SMARCA1: variants seen among roughly 807,000 people sequenced by gnomAD.
SMARCA1 encodes the protein SNF2 related chromatin remodeling ATPase 1.
A neutral mutation model predicts 93.6 loss-of-function variants in SMARCA1; 17 were observed. That is an observed-to-expected ratio of 0.18 (90% CI 0.12 to 0.27). SMARCA1 has a LOEUF of 0.27. Ranked by LOEUF, SMARCA1 falls within the 10% of genes least tolerant of loss-of-function variation. The pLI, the probability that SMARCA1 is intolerant of heterozygous loss-of-function variation, is 1.00. For missense variants in SMARCA1, 630 were observed against 819.0 expected (o/e 0.77, Z 2.82); for synonymous variants, 271 against 271.4 (o/e 1.00, Z 0.01).
At chrX:129,522,401 C>T in intron 1 of SMARCA1, among the ~76,000 whole-genome samples, 1 of 109,114 alleles carries the variant, frequency 9.2e-6, no homozygotes, top group Non-Finnish European at 1.9e-5. Context: ...AGCTTGGGGC[C>T]GGATTGAGGG....
At chrX:129,493,168 A>G in intron 12 of SMARCA1, 93 bp from the exon 13 acceptor site, 1 of 346,061 alleles carries the variant, frequency 2.9e-6, no homozygotes, top group East Asian at 4.3e-5. Flanking sequence ...GAAACAACCT[A>G]AACGATCAAG....
At chrX:129,488,834 T>C (rs930118387) in intron 16 of SMARCA1, 103 bp downstream of exon 16, 1 of 507,508 alleles carries the variant, frequency 2.0e-6, no homozygotes, top group Non-Finnish European at 3.2e-6. Context: ...ACCTGAAACA[T>C]GTAGATAATG....
chrX:129,480,301 G>A (rs943353825), intron 19 of SMARCA1, among the ~76,000 whole-genome samples: 3 of 111,920 alleles, frequency 2.7e-5, no homozygotes, highest in Non-Finnish European at 5.6e-5. Context: ...TTTCAGCAAC[G>A]TATAGGCAAT....
intron 19 of SMARCA1, among the ~76,000 whole-genome samples, chrX:129,478,322 G>A (rs1475080285): frequency 8.9e-6 from 1 of 111,756 alleles, no homozygotes; most frequent in Admixed American, 9.5e-5. Context: ...TGGCACAAAG[G>A]ATTGCTCAAT....
At chrX:129,509,359 T>C (rs955768149) in intron 6 of SMARCA1, among the ~76,000 whole-genome samples, 2 of 109,651 alleles carry the variant, frequency 1.8e-5, no homozygotes, top group African/African-American at 6.7e-5. Flanking sequence ...TCACCTGGAC[T>C]GAAGAGGAGG....
intron 18 of SMARCA1, 49 bp downstream of exon 18, chrX:129,481,026 C>A (rs1338796464): frequency 3.8e-6 from 3 of 798,496 alleles, no homozygotes; most frequent in Non-Finnish European, 5.6e-6. Flanking sequence ...GATCATGTTG[C>A]AACAGAAATC....
Position 129,447,156 on chromosome X carries a change from T to C in SMARCA1, c.*6A>G. 1 of 1,143,271 alleles carries C rather than the reference T, an allele frequency of 8.7e-7. No homozygotes were observed. The highest frequency in any genetic ancestry group is 2.0e-5 in the South Asian group (1 of 50,705). 94.2% of individuals were successfully genotyped at this position (1,143,271 alleles called of 1,213,427 possible). A position where few individuals can be genotyped will look rare whatever the true frequency, so the allele number is the denominator to read the frequency against. Reference sequence around the variant, plus strand: ...AGTTTCCCATTTAAAACTTTATTTCTAGGCTTTAGGATTTCACCTTCTTGA... The same window carrying C: ...AGTTTCCCATTTAAAACTTTATTTCCAGGCTTTAGGATTTCACCTTCTTGA... On this transcript the variant is annotated 3_prime_UTR_variant, in exon 25 of 25. Coordinates refer to ENST00000371121, the MANE Select transcript of SMARCA1 (RefSeq NM_001282874.2).
intron 16 of SMARCA1, among the ~76,000 whole-genome samples, chrX:129,487,468 A>G (rs1309090745): frequency 2.7e-5 from 3 of 112,930 alleles, no homozygotes; most frequent in African/African-American, 9.6e-5. Context: ...TGGACTAAAA[A>G]TACACATTTT....
chrX:129,480,855 T>C lies in SMARCA1; in HGVS notation c.2329-41A>G, dbSNP rs186388398. The stretch of plus-strand genomic sequence containing the variant: ...ATGTATTATATATACTTCTTTTCAG[T>C]ACATGAAGTAAACTTACTTATCTTT... On this transcript the variant is annotated intron_variant, in intron 18 of 24. Transcript: ENST00000371121. The C allele has an allele frequency of 1.7e-3, 1,350 of 812,370 alleles. 5 individuals carry two copies. The highest frequency in any genetic ancestry group is 4.9e-3 in the Middle Eastern group (17 of 3,435). The allele number at this position is 812,370 out of a possible 1,213,427, so 66.9% of individuals were successfully genotyped here.
intron 8 of SMARCA1, 35 bp from the exon 9 acceptor site, chrX:129,504,837 A>G (rs2124316558): frequency 2.2e-6 from 2 of 906,929 alleles, no homozygotes; most frequent in East Asian, 3.1e-5. Flanking sequence ...ATGAGTGCAC[A>G]GTTTTTTTAA....
intron 17 of SMARCA1, among the ~76,000 whole-genome samples, chrX:129,485,834 T>C (rs374192694): frequency 1.8e-5 from 2 of 111,678 alleles, no homozygotes; most frequent in Non-Finnish European, 3.8e-5. Flanking sequence ...ATGTGGTCTC[T>C]GCACACACCA....
intron 19 of SMARCA1, among the ~76,000 whole-genome samples, chrX:129,471,627 A>C (rs992190405): frequency 1.8e-5 from 2 of 111,315 alleles, no homozygotes; most frequent in African/African-American, 6.5e-5. Context: ...AGAACAAACA[A>C]AAAGTTTAGT....
chrX:129,495,041 C>G (rs1934268346), intron 12 of SMARCA1, among the ~76,000 whole-genome samples: 1 of 112,201 alleles, frequency 8.9e-6, no homozygotes, highest in East Asian at 2.8e-4. Flanking sequence ...TGAGTTTTCT[C>G]TGTGCCCTCC....
chrX:129,470,225 TTTTG>T (rs1337709785), intron 20 of SMARCA1, among the ~76,000 whole-genome samples: 19 of 111,591 alleles, frequency 1.7e-4, no homozygotes, highest in African/African-American at 6.2e-4. Flanking sequence ...ACGGTACACA[TTTTG>T]TTTATTTTGC....
chrX:129,448,016 C>T (rs1212036628), intron 24 of SMARCA1, among the ~76,000 whole-genome samples: 1 of 109,924 alleles, frequency 9.1e-6, no homozygotes, highest in Non-Finnish European at 1.9e-5. Flanking sequence ...CCATCCCACC[C>T]CTACCCCTCT....
chrX:129,482,843 G>T (rs188201733), intron 17 of SMARCA1, among the ~76,000 whole-genome samples: 2 of 111,520 alleles, frequency 1.8e-5, no homozygotes, highest in Non-Finnish European at 3.8e-5. Flanking sequence ...TTACATAAAA[G>T]GGGGCATTAA....
chrX:129,462,312 G>A (rs1932820199), intron 23 of SMARCA1, among the ~76,000 whole-genome samples: 1 of 111,610 alleles, frequency 9.0e-6, no homozygotes, highest in Admixed American at 9.5e-5. Flanking sequence ...CAACTTCTTT[G>A]TATTTCAGAA....
At chrX:129,475,765 T>C (rs771844136) in intron 19 of SMARCA1, among the ~76,000 whole-genome samples, 13 of 112,257 alleles carry the variant, frequency 1.2e-4, no homozygotes, top group Non-Finnish European at 2.4e-4. Flanking sequence ...CCTTGTTTCT[T>C]AGGAGGAGTT....
intron 13 of SMARCA1, 42 bp downstream of exon 13, chrX:129,492,998 C>T (rs1440825396): frequency 8.9e-6 from 4 of 449,429 alleles, no homozygotes; most frequent in Non-Finnish European, 1.6e-5. Flanking sequence ...TTCTGGAAAG[C>T]AATTTGGCAA....
Sources: allele counts gnomAD v4.1 joint callset (sites outside exome capture counted in the v4.1 genomes callset), GRCh38; gene constraint gnomAD v4.1.1; transcripts MANE v1.5; gene names NCBI Gene and HGNC (gene_info 2026-07-23, HGNC 2026-07-21).